Variants in CCAR2 observed in about 807,000 individuals in gnomAD.
CCAR2 encodes cell cycle and apoptosis regulator protein 2.
A neutral mutation model predicts 108.1 loss-of-function variants in CCAR2; 21 were observed. That is an observed-to-expected ratio of 0.19 (90% confidence interval 0.14 to 0.28). The LOEUF (loss-of-function observed/expected upper bound fraction) is 0.28. Ranked by LOEUF, CCAR2 falls within the 10% of genes least tolerant of loss-of-function variation. The pLI, the probability that CCAR2 is intolerant of heterozygous loss-of-function variation, is 1.00. For missense variants in CCAR2, 1,126 were observed against 1,177.0 expected (o/e 0.96, Z 0.63); for synonymous variants, 577 against 472.8 (o/e 1.22, Z -2.86).
Position 22,615,901 on chromosome 8 carries a change from A to T in CCAR2, c.1597A>T (p.Ile533Phe). Reference sequence around the variant, plus strand: ...GGAGGATCGGAGGCCAAAGGAAAGGATCTCTTTTGAGGCAGGTGTCAAGAG... The same window carrying T: ...GGAGGATCGGAGGCCAAAGGAAAGGTTCTCTTTTGAGGCAGGTGTCAAGAG... ...IVEDRRPKER[I>F]SFEVMVLAEL... The change falls in exon 13 of 21, where the codon ATC (isoleucine) becomes TTC (phenylalanine). Residue 533 changes from isoleucine (I) to phenylalanine (F), a missense_variant. Around this residue, in one of 4 missense-constraint regions of CCAR2, gnomAD observed 1,013 missense variants for 993.9 expected, o/e 1.02. Coordinates refer to ENST00000308511, the MANE Select transcript of CCAR2 (RefSeq NM_001393997.1). The T allele has an allele frequency of 6.2e-7, 1 of 1,613,928 alleles. No homozygotes were observed. The highest frequency in any genetic ancestry group is 8.5e-7 in the Non-Finnish European group (1 of 1,180,000).
At position 22,614,130 on chromosome 8, in the gene CCAR2, G is replaced by T. The variant is rs777515709; in HGVS notation, c.743G>T (p.Arg248Leu). ...TTCCTAGAACTCCAGCGCCGTTACC[G>T]CAGCCTCCTGGTCCCCTCAGATTTT... is the stretch of plus-strand genomic sequence containing the variant. ...CDFLELQRRY[R>L]SLLVPSDFLS... is the part of the protein sequence containing the mutation. The change falls in exon 9 of 21, where the codon CGC becomes CTC. Residue 248 changes from arginine (R) to leucine (L), a missense_variant. By Grantham distance (102) the Arg-to-Leu change is moderately radical (BLOSUM62 -2). Transcript: ENST00000308511. 4 of 1,613,856 alleles carry T rather than the reference G, an allele frequency of 2.5e-6. No individual in the cohort carries two copies. The highest frequency in any genetic ancestry group is 1.7e-5 in the Admixed American group (1 of 59,982).
At chr8:22,611,589 C>G (rs1285574399) in intron 7 of CCAR2, among the ~76,000 whole-genome samples, 1 of 151,994 alleles carries the variant, frequency 6.6e-6, no homozygotes, top group Non-Finnish European at 1.5e-5. Context: ...CCACTCTTTT[C>G]TCCTGTGTTC....
At chr8:22,614,615 C>T (rs758846768) in intron 10 of CCAR2, 112 bp downstream of exon 10, 21 of 1,094,448 alleles carry the variant, frequency 1.9e-5, no homozygotes, top group East Asian at 7.4e-5. Flanking sequence ...ATCTCAGAGC[C>T]GAACACCCCT....
At chr8:22,608,089 T>G in intron 7 of CCAR2, 24 bp downstream of exon 7, 1 of 1,568,234 alleles carries the variant, frequency 6.4e-7, no homozygotes, top group Non-Finnish European at 8.7e-7. Context: ...GTCCCTTTTT[T>G]TGGCCACTTG....
At chr8:22,605,157 T>TG (rs2117404156) in intron 1 of CCAR2, 1 of 193,408 alleles carries the variant, frequency 5.2e-6, no homozygotes, top group East Asian at 1.8e-4. Flanking sequence ...CGCAGCCGGT[T>TG]TCGCGTTTGG....
At chr8:22,607,686 G>A (rs1801130263) in intron 6 of CCAR2, among the ~76,000 whole-genome samples, 1 of 151,342 alleles carries the variant, frequency 6.6e-6, no homozygotes, top group East Asian at 1.9e-4. Context: ...GTACAGTGGC[G>A]CGATCTCGGC....
In CCAR2 at chr8:22,607,201, A is replaced by C; in HGVS notation, c.363A>C (p.Leu121=). 1.2e-6 allele frequency: 2 copies of C among 1,613,918 alleles called. No homozygotes were observed. The highest frequency in any genetic ancestry group is 1.7e-6 in the Non-Finnish European group (2 of 1,179,948). ...TCCTGGCTCCTGTTCTGCAGCCCCT[A>C]CTGAAGTCCCCAGCACCTCCTCTTC... ...VKVQTLSNQP[L]LKSPAPPLLH... The change falls in exon 6 of 21, where the codon CTA becomes CTC. Residue 121 remains leucine, a synonymous_variant. Coordinates refer to ENST00000308511, the MANE Select transcript of CCAR2 (RefSeq NM_001393997.1).
chr8:22,610,316 T>A (rs1334445233), intron 7 of CCAR2, among the ~76,000 whole-genome samples: 2 of 152,218 alleles, frequency 1.3e-5, no homozygotes, highest in Non-Finnish European at 2.9e-5. Flanking sequence ...TTATTTTGAA[T>A]TCCTGGCTTT....
intron 10 of CCAR2, 71 bp downstream of exon 10, chr8:22,614,574 G>C (rs930963512): frequency 1.4e-6 from 2 of 1,399,864 alleles, no homozygotes; most frequent in Admixed American, 1.7e-5. Context: ...TTGAGTGTTC[G>C]GCTCCTGTTC....
At chr8:22,608,510 G>A (rs1585154444) in intron 7 of CCAR2, among the ~76,000 whole-genome samples, 1 of 152,194 alleles carries the variant, frequency 6.6e-6, no homozygotes, top group East Asian at 1.9e-4. Context: ...GTTAGAAGGT[G>A]TATATTGCAC....
In CCAR2 at chr8:22,615,258, T is replaced by C. The variant is rs143401439; in HGVS notation, c.1206-167T>C. 7.1e-4 allele frequency: 675 copies of C among 951,794 alleles called. 12 individuals carry two copies. In the East Asian group the frequency reaches 0.016, roughly 23 times the overall value. 59.0% of individuals were successfully genotyped at this position (951,794 alleles called of 1,614,324 possible). A position where few individuals can be genotyped will look rare whatever the true frequency, so the allele number is the denominator to read the frequency against. On this transcript the variant is annotated intron_variant, in intron 11 of 20. Transcript: ENST00000308511. ...TGGTTGCGGCCTCCCCACTGACTGATCATTTCTTGAGGACTTGGTCTGTAG... is the reference window on the plus strand; with the variant it reads ...TGGTTGCGGCCTCCCCACTGACTGACCATTTCTTGAGGACTTGGTCTGTAG...
chr8:22,605,712 A>C (rs199877708), intron 1 of CCAR2, 24 bp from the exon 2 acceptor site: 6 of 1,405,878 alleles, frequency 4.3e-6, no homozygotes, highest in Non-Finnish European at 6.0e-6. Flanking sequence ...ATAAGCTGTT[A>C]ATTTCTTTCT....
At chr8:22,614,628 T>A in intron 10 of CCAR2, 125 bp downstream of exon 10, 1 of 1,061,990 alleles carries the variant, frequency 9.4e-7, no homozygotes, top group South Asian at 1.3e-5. Context: ...ACACCCCTCA[T>A]TTCACCCAGG....
chr8:22,615,118 C>G, intron 11 of CCAR2, 117 bp downstream of exon 11: 1 of 1,323,458 alleles, frequency 7.6e-7, no homozygotes, highest in Non-Finnish European at 1.0e-6. Flanking sequence ...TAGTCCCGTT[C>G]CTTCCCCCTC....
intron 18 of CCAR2, 48 bp from the exon 19 acceptor site, chr8:22,618,779 C>A: frequency 6.2e-7 from 1 of 1,613,264 alleles, no homozygotes; most frequent in Non-Finnish European, 8.5e-7. Flanking sequence ...GGGCAGGCTG[C>A]CCTCTCTGGA....
In CCAR2 at chr8:22,615,782, C is replaced by A. The variant is rs377024071; in HGVS notation, c.1478C>A (p.Thr493Lys). Residue 493 changes from threonine to lysine, a missense_variant, in exon 13 of 21, where the codon ACG becomes AAG. Thr to Lys is a moderately conservative substitution (Grantham distance 78). This residue lies in a region of CCAR2 where 1,013 missense variants were observed against 993.9 expected (regional missense o/e 1.02). Coordinates refer to ENST00000308511, the MANE Select transcript of CCAR2 (RefSeq NM_001393997.1). ...CCAGAGGCCACCACACAGCAGGAAA[C>A]GGACACTGATCTCCCAGAGGCCCCT... is the stretch of plus-strand genomic sequence containing the variant. The part of the protein sequence containing the change: ...ETPEATTQQE[T>K]DTDLPEAPPP... 1.2e-6 allele frequency: 2 copies of A among 1,613,952 alleles called. No individual in the cohort carries two copies. The highest frequency in any genetic ancestry group is 2.2e-5 in the South Asian group (2 of 91,082).
rs1305612631 is a variant in CCAR2, at chr8:22,619,761, CAGCGAG to C, written c.*87_*92del. On this transcript the variant is annotated 3_prime_UTR_variant, in exon 21 of 21. Coordinates refer to ENST00000308511, the MANE Select transcript of CCAR2 (RefSeq NM_001393997.1). Reference sequence around the variant, plus strand: ...TTGGAGCCCTTGCGGTACCAGAAAGCAGCGAGAGCGAGACCTGGGAGCCAGGGCAGG... The same window carrying C: ...TTGGAGCCCTTGCGGTACCAGAAAGCAGCGAGACCTGGGAGCCAGGGCAGG... 16 of 1,476,032 alleles carry C rather than the reference CAGCGAG, an allele frequency of 1.1e-5. No individual in the cohort carries two copies. The East Asian group carries it at 1.2e-4, about 11-fold the overall frequency. The allele number at this position is 1,476,032 out of a possible 1,614,324, so 91.4% of individuals were successfully genotyped here. A position where few individuals can be genotyped will look rare whatever the true frequency, so the allele number is the denominator to read the frequency against.
At chr8:22,616,388 G>C (rs946024256) in intron 14 of CCAR2, 140 bp downstream of exon 14, 1 of 755,346 alleles carries the variant, frequency 1.3e-6, no homozygotes, top group South Asian at 1.7e-5. Context: ...CGCACAGCTA[G>C]TAAGTAGCAC....
chr8:22,613,036 A>C lies in CCAR2; in HGVS notation c.604A>C (p.Lys202Gln). The C allele has an allele frequency of 6.2e-7, 1 of 1,613,114 alleles. No homozygotes were observed. Among genetic ancestry groups the C allele is most frequent in the Non-Finnish European group, 8.5e-7 (1 of 1,179,726 alleles). Residue 202 changes from lysine to glutamine, a missense_variant, in exon 8 of 21, where the codon AAA becomes CAA. This residue lies in a region of CCAR2 where 1,013 missense variants were observed against 993.9 expected (regional missense o/e 1.02). Coordinates refer to ENST00000308511, the MANE Select transcript of CCAR2 (RefSeq NM_001393997.1). ...QGRSDDYDSK[K>Q]RKQRAGGEPW... ...CTCTAGTGATGACTATGACTCCAAGAAACGCAAACAGCGGGCTGGTGGAGA... is the reference window on the plus strand; with the variant it reads ...CTCTAGTGATGACTATGACTCCAAGCAACGCAAACAGCGGGCTGGTGGAGA...
Sources: gnomAD v4.1 joint callset for allele counts (sites outside exome capture counted in the v4.1 genomes callset) on GRCh38, gnomAD v4.1.1 for gene constraint, gnomAD v4.1.1 regional missense constraint, MANE v1.5 for transcripts, NCBI Gene and HGNC (gene_info 2026-07-23, HGNC 2026-07-21) for gene names.